The following VPS13B variants were observed in gnomAD, a reference collection of about 807,000 sequenced individuals.
VPS13B encodes the protein vacuolar protein sorting 13 homolog B, also known as intermembrane lipid transfer protein VPS13B.
Under a neutral mutation model 426.4 loss-of-function variants are expected in VPS13B, and 285 were observed. The observed-to-expected ratio is 0.67, with a 90% CI of 0.61 to 0.74. The LOEUF is 0.74. Ranked by LOEUF, VPS13B falls within the 30% of genes least tolerant of loss-of-function variation. The probability of loss-of-function intolerance (pLI) is 0.00; values close to 1 mark genes in which losing one functional copy is unlikely to be tolerated. For synonymous variants in VPS13B, 1,676 were observed against 1,676.4 expected (o/e 1.00, Z 0.01); for missense variants, 4,537 against 4,782.6 (o/e 0.95, Z 1.51).
chr8:99,718,061 T>A (rs1368494819), intron 37 of VPS13B, among the ~76,000 whole-genome samples: 1 of 151,538 alleles, frequency 6.6e-6, no homozygotes, highest in African/African-American at 2.4e-5. Flanking sequence ...ATTGCCGGGT[T>A]GAATTTTTTT....
At position 99,668,388 on chromosome 8, in the gene VPS13B, G is replaced by A. The variant is rs1369685796; in HGVS notation, c.6046+6897G>A. Reference sequence around the variant, plus strand: ...AAAAAAAAAAGTTGCAACCCTTAAAGGTAGAGGGAATACTGATTATAACTG... The same window carrying A: ...AAAAAAAAAAGTTGCAACCCTTAAAAGTAGAGGGAATACTGATTATAACTG... On this transcript the variant is annotated intron_variant, in intron 35 of 61. Coordinates refer to ENST00000357162, the MANE Select transcript of VPS13B (RefSeq NM_152564.5). Among the ~76,000 whole-genome samples, 14 of 151,012 alleles carry A rather than the reference G, an allele frequency of 9.3e-5. No individual in the cohort carries two copies. In the East Asian group the frequency reaches 2.7e-3, roughly 29 times the overall value.
At chr8:99,263,306 T>G (rs1818144693) in intron 17 of VPS13B, among the ~76,000 whole-genome samples, 1 of 152,196 alleles carries the variant, frequency 6.6e-6, no homozygotes, top group African/African-American at 2.4e-5. Context: ...TTCTCTGTGT[T>G]AGGCAGGAGT....
chr8:99,129,652 C>T (rs965189786), intron 8 of VPS13B, among the ~76,000 whole-genome samples: 2 of 150,404 alleles, frequency 1.3e-5, no homozygotes, highest in Non-Finnish European at 3.0e-5. Flanking sequence ...GAATAAAGCA[C>T]TTATTTTTGT....
Position 99,316,907 on chromosome 8 carries a change from A to G in VPS13B, c.2824+41653A>G, listed in dbSNP as rs557775959. Among the ~76,000 whole-genome samples, 27 of 152,266 alleles carry G rather than the reference A, an allele frequency of 1.8e-4. 1 individual carries two copies. The Middle Eastern group carries it at 0.024, about 134-fold the overall frequency. On this transcript the variant is annotated intron_variant, in intron 19 of 61. Coordinates refer to ENST00000357162, the MANE Select transcript of VPS13B (RefSeq NM_152564.5). Reference sequence around the variant, plus strand: ...ATGCAACAATTTTCTAATGCACACAATTTTTGGAATCTTTTTTTCTGTTTT... The same window carrying G: ...ATGCAACAATTTTCTAATGCACACAGTTTTTGGAATCTTTTTTTCTGTTTT...
intron 3 of VPS13B, among the ~76,000 whole-genome samples, chr8:99,086,363 A>AT (rs1393657591): frequency 6.6e-6 from 1 of 151,850 alleles, no homozygotes; most frequent in South Asian, 2.1e-4. Flanking sequence ...CATTCGTCTA[A>AT]TTTTTTTTCA....
At chr8:99,609,187 C>T (rs185060160) in intron 33 of VPS13B, among the ~76,000 whole-genome samples, 3 of 152,266 alleles carry the variant, frequency 2.0e-5, no homozygotes, top group Admixed American at 6.5e-5. Flanking sequence ...ATCTTTCACC[C>T]ATGCACGATT....
chr8:99,420,411 A>G (rs1469223102), intron 21 of VPS13B, among the ~76,000 whole-genome samples: 1 of 152,170 alleles, frequency 6.6e-6, no homozygotes, highest in East Asian at 1.9e-4. Flanking sequence ...TAATTTTATC[A>G]GGTTCCAGTT....
chr8:99,303,119 A>G (rs868549557), intron 19 of VPS13B, among the ~76,000 whole-genome samples: 1 of 151,916 alleles, frequency 6.6e-6, no homozygotes, highest in Non-Finnish European at 1.5e-5. Flanking sequence ...TCTCTACTAA[A>G]AATACACAAA....
chr8:99,602,805 A>G (rs1485956092), intron 33 of VPS13B, among the ~76,000 whole-genome samples: 2 of 152,370 alleles, frequency 1.3e-5, no homozygotes, highest in East Asian at 3.9e-4. Context: ...TAAAATACCT[A>G]GGAATCCAAC....
intron 19 of VPS13B, among the ~76,000 whole-genome samples, chr8:99,342,823 C>T (rs1334166803): frequency 2.1e-5 from 3 of 141,770 alleles, no homozygotes; most frequent in Non-Finnish European, 4.6e-5. Context: ...ACCTCCATAC[C>T]GTTTTCCATA....
At chr8:99,027,727 AT>A (rs1307128458) in intron 2 of VPS13B, among the ~76,000 whole-genome samples, 2 of 149,684 alleles carry the variant, frequency 1.3e-5, no homozygotes, top group African/African-American at 2.4e-5. Context: ...AGTTTTTTTT[AT>A]TTTTTTATTT....
At chr8:99,026,515 C>T (rs1031778303) in intron 2 of VPS13B, among the ~76,000 whole-genome samples, 7 of 152,104 alleles carry the variant, frequency 4.6e-5, no homozygotes, top group African/African-American at 1.4e-4. Context: ...TTTCTGCCAG[C>T]GATCTGTTCA....
intron 21 of VPS13B, among the ~76,000 whole-genome samples, chr8:99,401,769 G>A (rs1815050414): frequency 6.6e-6 from 1 of 152,192 alleles, no homozygotes; most frequent in Admixed American, 6.5e-5. Context: ...GGGAGGCTGA[G>A]GCAGGAGAAT....
chr8:99,267,295 C>T (rs1373268190), intron 17 of VPS13B, among the ~76,000 whole-genome samples: 2 of 152,128 alleles, frequency 1.3e-5, no homozygotes, highest in African/African-American at 4.8e-5. Flanking sequence ...CTTTTTGCTC[C>T]TGCCCTGGAG....
intron 2 of VPS13B, among the ~76,000 whole-genome samples, chr8:99,023,703 A>G (rs932372778): frequency 2.4e-4 from 37 of 152,076 alleles, no homozygotes; most frequent in Non-Finnish European, 5.0e-4. Flanking sequence ...CTGGTCTCGA[A>G]TGCCTGACCT....
At chr8:99,333,630 T>A (rs1810662644) in intron 19 of VPS13B, among the ~76,000 whole-genome samples, 1 of 151,914 alleles carries the variant, frequency 6.6e-6, no homozygotes, top group Non-Finnish European at 1.5e-5. Flanking sequence ...ATCCCTTGTG[T>A]TACCCTTTTA....
chr8:99,766,217 T>C (rs927054908), intron 39 of VPS13B, among the ~76,000 whole-genome samples: 4 of 151,926 alleles, frequency 2.6e-5, no homozygotes, highest in Admixed American at 1.3e-4. Context: ...GTAGCTGGGA[T>C]TACAGGTGCA....
intron 33 of VPS13B, among the ~76,000 whole-genome samples, chr8:99,596,589 G>A (rs1380784946): frequency 6.6e-6 from 1 of 151,840 alleles, no homozygotes; most frequent in Non-Finnish European, 1.5e-5. Flanking sequence ...TGTGTTATAA[G>A]CAGCAGATTA....
intron 33 of VPS13B, among the ~76,000 whole-genome samples, chr8:99,639,151 CAG>C (rs1180699359): frequency 2.0e-5 from 3 of 152,202 alleles, no homozygotes; most frequent in East Asian, 1.9e-4. Flanking sequence ...GTAATTTGTT[CAG>C]AGTCATACAA....
Sources: allele counts gnomAD v4.1 joint callset (sites outside exome capture counted in the v4.1 genomes callset), GRCh38; gene constraint gnomAD v4.1.1; transcripts MANE v1.5; gene names NCBI Gene and HGNC (gene_info 2026-07-23, HGNC 2026-07-21).